NLGN1: variants seen among roughly 807,000 people sequenced by gnomAD.
NLGN1 encodes the protein neuroligin-1.
In NLGN1, 12 loss-of-function variants were observed where a neutral mutation model predicts 65.5. That is an observed-to-expected ratio of 0.18 (90% confidence interval 0.12 to 0.30). The LOEUF is 0.30. Among genes scored for constraint, NLGN1 ranks in the 10% least tolerant of loss-of-function variants. The probability of loss-of-function intolerance (pLI) is 1.00; values close to 1 mark genes in which losing one functional copy is unlikely to be tolerated. For synonymous variants in NLGN1, 350 were observed against 359.5 expected (o/e 0.97, Z 0.30); for missense variants, 750 against 1,007.1 (o/e 0.74, Z 3.46).
At chr3:173,463,810 A>G (rs1021692490) in intron 2 of NLGN1, among the ~76,000 whole-genome samples, 2 of 152,176 alleles carry the variant, frequency 1.3e-5, no homozygotes, top group African/African-American at 4.8e-5. Flanking sequence ...ATACACTTGC[A>G]AAAGTGTAAA....
intron 4 of NLGN1, among the ~76,000 whole-genome samples, chr3:174,269,714 G>A (rs749294107): frequency 2.0e-5 from 3 of 151,876 alleles, no homozygotes; most frequent in Admixed American, 6.6e-5. Context: ...CCAGAAGAAC[G>A]ATGCTGAATC....
At chr3:173,509,266 G>C (rs944333311) in intron 2 of NLGN1, among the ~76,000 whole-genome samples, 10 of 152,078 alleles carry the variant, frequency 6.6e-5, no homozygotes, top group Admixed American at 6.6e-4. Flanking sequence ...AACACATCTT[G>C]ATGTTTTTAA....
chr3:174,207,803 C>T (rs1735704520), intron 4 of NLGN1, among the ~76,000 whole-genome samples: 1 of 152,174 alleles, frequency 6.6e-6, no homozygotes. Context: ...TGGTGTCAAG[C>T]ACAGAAATTT....
intron 2 of NLGN1, among the ~76,000 whole-genome samples, chr3:173,544,104 A>C (rs1739345427): frequency 6.6e-6 from 1 of 152,150 alleles, no homozygotes; most frequent in Non-Finnish European, 1.5e-5. Flanking sequence ...GAGTGCTTGG[A>C]GTATTATGTT....
chr3:174,259,193 A>G (rs1020177538), intron 4 of NLGN1, among the ~76,000 whole-genome samples: 25 of 152,158 alleles, frequency 1.6e-4, no homozygotes, highest in Non-Finnish European at 4.4e-5. Context: ...TGTCATTTTT[A>G]TACATTACCC....
At chr3:173,981,064 T>A (rs1430661104) in intron 4 of NLGN1, among the ~76,000 whole-genome samples, 1 of 152,126 alleles carries the variant, frequency 6.6e-6, no homozygotes, top group Non-Finnish European at 1.5e-5. Context: ...AATTAGTAGC[T>A]GAGGCTGTGG....
chr3:173,459,538 G>A (rs972708944), intron 2 of NLGN1, among the ~76,000 whole-genome samples: 1 of 152,094 alleles, frequency 6.6e-6, no homozygotes, highest in Non-Finnish European at 1.5e-5. Flanking sequence ...TTGACAAATA[G>A]TTGGCTTCCA....
intron 4 of NLGN1, among the ~76,000 whole-genome samples, chr3:174,251,865 A>G (rs1282476793): frequency 1.3e-5 from 2 of 152,298 alleles, no homozygotes; most frequent in Non-Finnish European, 2.9e-5. Flanking sequence ...ATATCCTGCC[A>G]GAGGAACCTG....
chr3:174,077,725 T>A (rs967232145), intron 4 of NLGN1, among the ~76,000 whole-genome samples: 10 of 152,110 alleles, frequency 6.6e-5, no homozygotes, highest in Non-Finnish European at 1.3e-4. Context: ...CCAGCCAATT[T>A]TTGTATTTTT....
intron 4 of NLGN1, among the ~76,000 whole-genome samples, chr3:174,128,165 A>C (rs1259381578): frequency 6.6e-6 from 1 of 152,118 alleles, no homozygotes; most frequent in Non-Finnish European, 1.5e-5. Flanking sequence ...AAACACTCTC[A>C]ATTTTTAATT....
At chr3:173,859,820 C>T (rs1025775842) in intron 4 of NLGN1, among the ~76,000 whole-genome samples, 10 of 151,684 alleles carry the variant, frequency 6.6e-5, no homozygotes, top group Non-Finnish European at 1.5e-4. Context: ...CAAGGGTACA[C>T]GACTAAACAT....
chr3:173,459,165 C>G (rs1380099072), intron 2 of NLGN1, among the ~76,000 whole-genome samples: 3 of 152,054 alleles, frequency 2.0e-5, no homozygotes, highest in Non-Finnish European at 2.9e-5. Context: ...CAGCAGTAAT[C>G]TGTTTTGTTG....
chr3:173,490,044 A>G lies in NLGN1; in HGVS notation c.-321+54966A>G, dbSNP rs542408266. ...CTCCCATTCTGTAGGTTGCCTGTTC[A>G]CTCTGATGGTAGTTTCTTTTGCTGT... On this transcript the variant is annotated intron_variant, in intron 2 of 6. Coordinates refer to ENST00000457714, the Ensembl canonical transcript of NLGN1. Among the ~76,000 whole-genome samples the G allele has an allele frequency of 1.8e-3, 267 of 152,022 alleles. 3 individuals are homozygous for G. The highest frequency in any genetic ancestry group is 6.1e-3 in the African/African-American group (254 of 41,438).
At chr3:174,090,839 T>A (rs1475806599) in intron 4 of NLGN1, among the ~76,000 whole-genome samples, 1 of 152,028 alleles carries the variant, frequency 6.6e-6, no homozygotes, top group Non-Finnish European at 1.5e-5. Context: ...AGTATAAACA[T>A]CATCAGGGAG....
At chr3:174,232,606 C>T (rs1469039079) in intron 4 of NLGN1, among the ~76,000 whole-genome samples, 1 of 152,112 alleles carries the variant, frequency 6.6e-6, no homozygotes, top group Non-Finnish European at 1.5e-5. Context: ...CATCCTGAGG[C>T]CACAGTAAAT....
intron 3 of NLGN1, among the ~76,000 whole-genome samples, chr3:173,753,944 AATAAT>A (rs151125850): frequency 1.2e-3 from 138 of 116,696 alleles, no homozygotes; most frequent in Non-Finnish European, 1.9e-3. Context: ...ATAATATAAT[AATAAT>A]ATAATATAAT....
chr3:174,117,494 G>A (rs746355267), intron 4 of NLGN1, among the ~76,000 whole-genome samples: 2 of 151,756 alleles, frequency 1.3e-5, no homozygotes, highest in African/African-American at 2.4e-5. Flanking sequence ...AGTGGCGGGC[G>A]CCTGTAGTCC....
intron 4 of NLGN1, among the ~76,000 whole-genome samples, chr3:173,859,919 T>G (rs1221224241): frequency 3.3e-5 from 5 of 152,062 alleles, no homozygotes; most frequent in Non-Finnish European, 7.4e-5. Context: ...GCTTTCATTT[T>G]ATTTCTAACT....
chr3:173,571,299 T>C (rs1188023972), intron 2 of NLGN1, among the ~76,000 whole-genome samples: 1 of 152,232 alleles, frequency 6.6e-6, no homozygotes, highest in African/African-American at 2.4e-5. Context: ...AAATCAGATA[T>C]GTTGAAGTGC....
Sources: gnomAD v4.1 joint callset for allele counts (sites outside exome capture counted in the v4.1 genomes callset) on GRCh38, gnomAD v4.1.1 for gene constraint, MANE v1.5 for transcripts, NCBI Gene and HGNC (gene_info 2026-07-23, HGNC 2026-07-21) for gene names.